The following TRPV1 variants were observed in gnomAD, a reference collection of about 807,000 sequenced individuals.
TRPV1 encodes OTRPC1.
TRPV1 carries 82 observed loss-of-function variants against 82.3 expected under a neutral mutation model. The observed-to-expected ratio is 1.00, with a 90% CI of 0.83 to 1.20. The LOEUF is 1.20. TRPV1 is among the 50% of genes most tolerant of loss of function. The probability of loss-of-function intolerance (pLI) is 0.00; values close to 1 mark genes in which losing one functional copy is unlikely to be tolerated. For missense variants in TRPV1, 1,067 were observed against 1,096.8 expected (o/e 0.97, Z 0.38); for synonymous variants, 515 against 467.7 (o/e 1.10, Z -1.30).
intron 2 of TRPV1, among the ~76,000 whole-genome samples, chr17:3,597,315 T>A (rs2075228628): frequency 6.6e-6 from 1 of 152,280 alleles, no homozygotes; most frequent in East Asian, 1.9e-4. Context: ...CTGCTCGGCC[T>A]CTCAAACCTG....
rs752144771 is a variant in TRPV1, at chr17:3,592,331, G to C, written c.20C>G (p.Thr7Arg). The change falls in exon 3 of 17, where the codon ACA becomes AGA. Residue 7 changes from threonine (T) to arginine (R), a missense_variant. Physicochemically the swap from Thr to Arg is moderately conservative, Grantham distance 71 (BLOSUM62 -1). Transcript: ENST00000572705. MKKWSS[T>R]DLGAAADPLQ... ...TGGGTCCGCAGCTGCCCCCAAGTCT[G>C]TGCTGCTCCATTTCTTCATCCTTGC... 1 of 1,595,726 alleles carries C rather than the reference G, an allele frequency of 6.3e-7. No homozygotes were observed. The highest frequency in any genetic ancestry group is 1.1e-5 in the South Asian group (1 of 88,724).
At chr17:3,569,084 A>T (rs1346510113) in intron 16 of TRPV1, among the ~76,000 whole-genome samples, 1 of 149,244 alleles carries the variant, frequency 6.7e-6, no homozygotes, top group African/African-American at 2.5e-5. Context: ...ACTCAGACAC[A>T]GGAAGGGGGA....
intron 14 of TRPV1, among the ~76,000 whole-genome samples, chr17:3,572,520 C>T (rs2074868710): frequency 6.6e-6 from 1 of 152,158 alleles, no homozygotes; most frequent in Non-Finnish European, 1.5e-5. Context: ...ATACGGAGGC[C>T]CCAGACCCTG....
Position 3,566,713 on chromosome 17 carries a change from C to G in TRPV1, c.*102G>C, listed in dbSNP as rs202101638. ...GGGAACATGCTGGGCAGGCACAGAC[C>G]AGGCCAGGCTGCTGACAGAGCACTG... On this transcript the variant is annotated 3_prime_UTR_variant, in exon 17 of 17. Transcript: ENST00000572705. 16 of 1,437,290 alleles carry G rather than the reference C, an allele frequency of 1.1e-5. No homozygotes were observed. The highest frequency in any genetic ancestry group is 1.5e-5 in the Non-Finnish European group (16 of 1,063,066). 89.0% of individuals were successfully genotyped at this position (1,437,290 alleles called of 1,614,324 possible).
chr17:3,576,668 A>AAAAAAAAAAAAAAT, intron 13 of TRPV1, among the ~76,000 whole-genome samples: 2 of 38,390 alleles, frequency 5.2e-5, no homozygotes, highest in Non-Finnish European at 1.1e-4. Context: ...AAAAAAAAAA[A>AAAAAAAAAAAAAAT]ATATATATAT....
intron 10 of TRPV1, among the ~76,000 whole-genome samples, chr17:3,581,987 G>A (rs375344371): frequency 6.2e-4 from 88 of 141,836 alleles, no homozygotes; most frequent in South Asian, 1.6e-3. Flanking sequence ...TCAGGAGATC[G>A]AGACCATCCT....
intron 10 of TRPV1, among the ~76,000 whole-genome samples, chr17:3,582,185 A>G (rs907748550): frequency 2.5e-4 from 26 of 104,570 alleles, no homozygotes; most frequent in East Asian, 1.2e-3. Context: ...GTGAGACTCC[A>G]TCTCAAAAAA....
chr17:3,584,401 T>TA (rs2075057467), intron 9 of TRPV1, among the ~76,000 whole-genome samples: 2 of 50,372 alleles, frequency 4.0e-5, no homozygotes, highest in Non-Finnish European at 7.1e-5. Flanking sequence ...AGACTCTGTC[T>TA]CAAAAAAAAA....
intron 13 of TRPV1, among the ~76,000 whole-genome samples, chr17:3,574,946 G>T (rs560428453): frequency 6.8e-6 from 1 of 147,484 alleles, no homozygotes; most frequent in South Asian, 2.2e-4. Flanking sequence ...AAAAGATGTG[G>T]ACATGTGAAA....
Position 3,577,188 on chromosome 17 carries a change from A to G in TRPV1, c.1718T>C (p.Ile573Thr). ...CATGAAACGGCACAGGTCTCTCAGG[A>G]TCATCTGCAGGAGACAGCAGGCTCA... ...GIYAVMIEKM[I>T]LRDLCRFMFV... The change falls in exon 13 of 17, where the codon ATC (isoleucine) becomes ACC (threonine). Residue 573 changes from isoleucine (I) to threonine (T), a missense_variant. Coordinates refer to ENST00000572705, the MANE Select transcript of TRPV1 (RefSeq NM_080704.4). The G allele has an allele frequency of 6.3e-7, 1 of 1,579,630 alleles. No individual in the cohort carries two copies. The highest frequency in any genetic ancestry group is 1.2e-5 in the South Asian group (1 of 85,872).
In TRPV1 at chr17:3,590,072, T is replaced by C. The variant is rs201868709; in HGVS notation, c.779A>G (p.Asn260Ser). 36 of 1,604,632 alleles carry C rather than the reference T, an allele frequency of 2.2e-5. No individual in the cohort carries two copies. Among genetic ancestry groups the C allele is most frequent in the Non-Finnish European group, 2.9e-5 (34 of 1,176,080 alleles). Reference protein sequence around the residue: ...ELPLSLAACTNQLGIVKFLLQ... With the variant: ...ELPLSLAACTSQLGIVKFLLQ... ...CAGGAACTTCACGATGCCCAGCTGG[T>C]TGGTGCACGCGGCCAGGGACAGGGG... Residue 260 changes from asparagine (N) to serine (S), a missense_variant, in exon 7 of 17, where the codon AAC becomes AGC. Asn to Ser is a conservative substitution (Grantham distance 46). Transcript: ENST00000572705.
intron 14 of TRPV1, among the ~76,000 whole-genome samples, chr17:3,572,912 G>A (rs1597512919): frequency 6.6e-6 from 1 of 151,072 alleles, no homozygotes; most frequent in Non-Finnish European, 1.5e-5. Flanking sequence ...GAAGTCGGGA[G>A]GCAGAGGTTG....
At chr17:3,591,980 A>G (rs1337616492) in intron 3 of TRPV1, 87 bp downstream of exon 3, 29 of 1,507,396 alleles carry the variant, frequency 1.9e-5, no homozygotes, top group Non-Finnish European at 2.5e-5. Flanking sequence ...GCTTTGTGAC[A>G]TTTAGCCCAG....
intron 2 of TRPV1, among the ~76,000 whole-genome samples, chr17:3,594,304 C>A (rs938860994): frequency 6.6e-6 from 1 of 151,588 alleles, no homozygotes; most frequent in African/African-American, 2.4e-5. Context: ...AAATGAGAGG[C>A]TTCTCAAGTC....
intron 13 of TRPV1, among the ~76,000 whole-genome samples, chr17:3,575,800 ATGCCT>A (rs1056197068): frequency 1.3e-5 from 2 of 152,142 alleles, no homozygotes; most frequent in Non-Finnish European, 2.9e-5. Context: ...CCAAAAATGC[ATGCCT>A]GGCTATAATC....
intron 7 of TRPV1, 29 bp downstream of exon 7, chr17:3,589,778 C>T: frequency 1.3e-6 from 2 of 1,590,364 alleles, no homozygotes; most frequent in East Asian, 2.2e-5. Context: ...CCCCGCACCG[C>T]ACCAGCCTGA....
intron 14 of TRPV1, among the ~76,000 whole-genome samples, chr17:3,572,491 C>G (rs867356378): frequency 2.6e-5 from 4 of 152,170 alleles, no homozygotes; most frequent in Admixed American, 6.5e-5. Context: ...CGGGCCTGGG[C>G]AGGGCAGCCC....
chr17:3,587,024 A>T (rs1174175750), intron 8 of TRPV1, among the ~76,000 whole-genome samples: 1 of 151,946 alleles, frequency 6.6e-6, no homozygotes, highest in Non-Finnish European at 1.5e-5. Flanking sequence ...TCTACTTTCC[A>T]CTAGTGGTCC....
intron 9 of TRPV1, 48 bp downstream of exon 9, chr17:3,585,720 C>A: frequency 6.3e-7 from 1 of 1,584,974 alleles, no homozygotes; most frequent in Non-Finnish European, 8.6e-7. Context: ...CACACCCCTT[C>A]CCCACCACCC....
Sources: allele counts gnomAD v4.1 joint callset (sites outside exome capture counted in the v4.1 genomes callset), GRCh38; gene constraint gnomAD v4.1.1; transcripts MANE v1.5; gene names NCBI Gene and HGNC (gene_info 2026-07-23, HGNC 2026-07-21).